The following NETO1 variants were observed in gnomAD, a reference collection of about 807,000 sequenced individuals.
The protein encoded by NETO1 is neuropilin and tolloid like 1, also known as neuropilin and tolloid-like protein 1.
In NETO1, 26 loss-of-function variants were observed where a neutral mutation model predicts 61.3. That is an observed-to-expected ratio of 0.42 (90% confidence interval 0.31 to 0.59). NETO1 has a LOEUF of 0.59. Ranked by LOEUF, NETO1 falls within the 20% of genes least tolerant of loss-of-function variation. The pLI is 0.12. For synonymous variants in NETO1, 225 were observed against 225.8 expected (o/e 1.00, Z 0.03); for missense variants, 531 against 662.8 (o/e 0.80, Z 2.18).
intron 4 of NETO1, among the ~76,000 whole-genome samples, chr18:72,801,796 G>A (rs531396283): frequency 9.2e-5 from 14 of 151,904 alleles, no homozygotes; most frequent in South Asian, 2.1e-4. Context: ...ACAATTATAC[G>A]GCTTAGTAAT....
intron 1 of NETO1, 33 bp downstream of exon 1, chr18:72,867,231 G>A (rs1186676968): frequency 2.0e-6 from 3 of 1,524,490 alleles, no homozygotes; most frequent in Non-Finnish European, 2.6e-6. Context: ...GCTGGCTCCG[G>A]GAGCGCACGG....
At chr18:72,848,658 CTG>C (rs1444757216) in intron 4 of NETO1, among the ~76,000 whole-genome samples, 1 of 152,166 alleles carries the variant, frequency 6.6e-6, no homozygotes, top group African/African-American at 2.4e-5. Flanking sequence ...AGGGCTGAGA[CTG>C]TACTCTGTCA....
chr18:72,835,363 T>G (rs185726871), intron 4 of NETO1: 871 of 1,530,164 alleles, frequency 5.7e-4, no homozygotes, highest in Non-Finnish European at 7.2e-4. Context: ...TAGACCAGTA[T>G]ATGATCAGGC....
chr18:72,765,759 A>G (rs1046819849), intron 7 of NETO1, among the ~76,000 whole-genome samples: 20 of 152,222 alleles, frequency 1.3e-4, no homozygotes, highest in African/African-American at 4.3e-4. Flanking sequence ...ATTAAATGCC[A>G]TCTTCTCATT....
intron 4 of NETO1, among the ~76,000 whole-genome samples, chr18:72,821,057 T>C (rs1213751830): frequency 6.6e-6 from 1 of 152,026 alleles, no homozygotes; most frequent in Non-Finnish European, 1.5e-5. Context: ...AAGGCCTTCA[T>C]GATCTACTCC....
intron 6 of NETO1, among the ~76,000 whole-genome samples, chr18:72,785,860 A>G (rs1252820977): frequency 1.3e-5 from 2 of 152,166 alleles, no homozygotes; most frequent in Non-Finnish European, 2.9e-5. Flanking sequence ...CAACGGTTGC[A>G]CATCCAATGA....
intron 1 of NETO1, chr18:72,866,850 CT>C: frequency 2.0e-6 from 2 of 986,228 alleles, no homozygotes; most frequent in Non-Finnish European, 2.4e-6. Flanking sequence ...ACCTCCTGTA[CT>C]GCGAACAGGG....
intron 7 of NETO1, among the ~76,000 whole-genome samples, chr18:72,778,941 G>GCTAGAACAAAATACCATAGA (rs1568193138): frequency 2.6e-5 from 4 of 152,150 alleles, no homozygotes; most frequent in Non-Finnish European, 5.9e-5. Context: ...CACTTGGGCT[G>GCTAGAACAAAATACCATAGA]CTAGAACAAA....
intron 7 of NETO1, among the ~76,000 whole-genome samples, chr18:72,758,668 C>G (rs186148744): frequency 6.6e-6 from 1 of 151,844 alleles, no homozygotes; most frequent in African/African-American, 2.4e-5. Context: ...GAAGCCCGTC[C>G]CTACTAAAAA....
intron 4 of NETO1, among the ~76,000 whole-genome samples, chr18:72,827,036 A>C (rs1264922023): frequency 6.6e-6 from 1 of 151,248 alleles, no homozygotes; most frequent in Non-Finnish European, 1.5e-5. Context: ...AATCGGGGCA[A>C]ACTGGGTCTG....
At chr18:72,775,040 C>T (rs535583196) in intron 7 of NETO1, among the ~76,000 whole-genome samples, 1 of 152,124 alleles carries the variant, frequency 6.6e-6, no homozygotes, top group South Asian at 2.1e-4. Context: ...TTTAGCTGGG[C>T]AACCAACAGC....
intron 4 of NETO1, among the ~76,000 whole-genome samples, chr18:72,840,988 C>T (rs1268288676): frequency 2.6e-5 from 4 of 152,100 alleles, no homozygotes; most frequent in South Asian, 2.1e-4. Flanking sequence ...GAGTTCTTTC[C>T]TTGCCCCTAT....
At chr18:72,837,320 G>A (rs1474849903) in intron 4 of NETO1, among the ~76,000 whole-genome samples, 2 of 152,090 alleles carry the variant, frequency 1.3e-5, no homozygotes, top group African/African-American at 4.8e-5. Context: ...AATTTCCATA[G>A]AAAATGCAGT....
chr18:72,787,966 A>G (rs1392130479), intron 6 of NETO1, among the ~76,000 whole-genome samples: 1 of 152,232 alleles, frequency 6.6e-6, no homozygotes, highest in Non-Finnish European at 1.5e-5. Context: ...AGTTATAAAT[A>G]AAATTTATAG....
intron 7 of NETO1, among the ~76,000 whole-genome samples, chr18:72,772,823 CTCTATATATA>C (rs1169235036): frequency 1.4e-3 from 54 of 38,802 alleles, no homozygotes; most frequent in Non-Finnish European, 1.7e-3. Flanking sequence ...CTCTCTCTCT[CTCTATATATA>C]TATATATATA....
At chr18:72,814,506 T>C (rs1230694420) in intron 4 of NETO1, among the ~76,000 whole-genome samples, 2 of 151,342 alleles carry the variant, frequency 1.3e-5, no homozygotes, top group South Asian at 2.1e-4. Flanking sequence ...GAGGAACAAA[T>C]AGAAAGCATA....
intron 4 of NETO1, among the ~76,000 whole-genome samples, chr18:72,836,088 G>A (rs921048678): frequency 6.6e-6 from 1 of 152,188 alleles, no homozygotes; most frequent in Admixed American, 6.5e-5. Context: ...TTCTCAAGTA[G>A]GCCATCTTCC....
intron 4 of NETO1, chr18:72,835,231 T>C: frequency 2.0e-6 from 3 of 1,498,442 alleles, no homozygotes; most frequent in Non-Finnish European, 2.7e-6. Context: ...ATCAACGTTC[T>C]GGGCACCACA....
chr18:72,837,022 A>C (rs2073772925), intron 4 of NETO1, among the ~76,000 whole-genome samples: 1 of 152,238 alleles, frequency 6.6e-6, no homozygotes, highest in African/African-American at 2.4e-5. Context: ...GAAAAGGATA[A>C]GTCAAATATG....
Sources: gnomAD v4.1 joint callset for allele counts (sites outside exome capture counted in the v4.1 genomes callset) on GRCh38, gnomAD v4.1.1 for gene constraint, MANE v1.5 for transcripts, NCBI Gene and HGNC (gene_info 2026-07-23, HGNC 2026-07-21) for gene names.